Variants in GPHN observed in about 807,000 individuals in gnomAD.
GPHN encodes gephyrin.
A neutral mutation model predicts 95.5 loss-of-function variants in GPHN; 17 were observed. The ratio of observed to expected loss-of-function variants is 0.18; its 90% CI spans 0.12 to 0.27. GPHN has a LOEUF of 0.27. Among genes scored for constraint, GPHN ranks in the 10% least tolerant of loss-of-function variants. The pLI is 1.00. For synonymous variants in GPHN, 320 were observed against 322.5 expected, an observed-to-expected ratio of 0.99 and a Z score of 0.08; for missense variants, 660 against 978.1, an observed-to-expected ratio of 0.67 and a Z score of 4.34.
chr14:67,206,496 A>T, the GPHN span, among the ~76,000 whole-genome samples: 1 of 152,172 alleles, frequency 6.6e-6, no homozygotes, highest in Non-Finnish European at 1.5e-5. Context: ...ACCCTGTCTC[A>T]AAAAACAAAC....
the GPHN span, among the ~76,000 whole-genome samples, chr14:67,604,741 C>CT: frequency 8.6e-5 from 13 of 151,812 alleles, no homozygotes; most frequent in African/African-American, 1.2e-4. Context: ...CTTTGCCTAT[C>CT]TTTTTTTTCC....
In GPHN at chr14:66,664,480, G is replaced by C. The variant is rs1044181555; in HGVS notation, c.65-16627G>C. Among the ~76,000 whole-genome samples the C allele has an allele frequency of 3.9e-5, 6 of 152,260 alleles. No individual in the cohort carries two copies. The South Asian group carries it at 1.2e-3, about 32-fold the overall frequency. ...CCAGATTCTCAGGGACACAGCTAAAGTAGTGTTAAGAAGGAAATCTATAGC... is the reference window on the plus strand; with the variant it reads ...CCAGATTCTCAGGGACACAGCTAAACTAGTGTTAAGAAGGAAATCTATAGC... On this transcript the variant is annotated intron_variant, in intron 1 of 22. Transcript: ENST00000478722.
intron 2 of GPHN, among the ~76,000 whole-genome samples, chr14:66,714,926 GTCTGTAGTTT>G (rs943496639): frequency 4.6e-5 from 7 of 152,120 alleles, no homozygotes; most frequent in African/African-American, 1.7e-4. Context: ...AGGGATATTG[GTCTGTAGTTT>G]TCTTTTATGG....
intron 1 of GPHN, among the ~76,000 whole-genome samples, chr14:66,550,397 C>T (rs1047707618): frequency 6.6e-6 from 1 of 152,112 alleles, no homozygotes; most frequent in African/African-American, 2.4e-5. Context: ...GCTGCAGTCT[C>T]ATGATAAAAC....
At chr14:67,321,013 C>CT in the GPHN span, 4 of 1,551,892 alleles carry the variant, frequency 2.6e-6, no homozygotes, top group Non-Finnish European at 3.6e-6. Context: ...CCTGTCCTCA[C>CT]TCTAAGCCAT....
intron 1 of GPHN, among the ~76,000 whole-genome samples, chr14:66,637,177 T>C (rs933339775): frequency 2.0e-5 from 3 of 152,158 alleles, no homozygotes; most frequent in Admixed American, 6.5e-5. Context: ...TTTTGGTCTT[T>C]AGAATATAGG....
chr14:66,647,242 T>C (rs1045032526), intron 1 of GPHN, among the ~76,000 whole-genome samples: 2 of 150,554 alleles, frequency 1.3e-5, no homozygotes, highest in African/African-American at 4.9e-5. Flanking sequence ...ATAAATTGTA[T>C]AGGTAGAATT....
the GPHN span, among the ~76,000 whole-genome samples, chr14:67,363,327 G>T: frequency 1.5e-4 from 23 of 151,514 alleles, no homozygotes; most frequent in African/African-American, 5.1e-4. Context: ...TAGGGATTTT[G>T]TATTCCCTAC....
chr14:67,685,044 A>T, the GPHN span: 1 of 1,612,330 alleles, frequency 6.2e-7, no homozygotes, highest in South Asian at 1.1e-5. Context: ...GAATCTCAAG[A>T]CCTTCTGTTA....
At chr14:66,814,688 A>G (rs1044289519) in intron 3 of GPHN, among the ~76,000 whole-genome samples, 2 of 152,264 alleles carry the variant, frequency 1.3e-5, no homozygotes, top group African/African-American at 2.4e-5. Flanking sequence ...GATTGAAGAT[A>G]GATAAGCCCA....
intron 1 of GPHN, among the ~76,000 whole-genome samples, chr14:66,591,122 C>T (rs1239356289): frequency 6.6e-6 from 1 of 152,170 alleles, no homozygotes; most frequent in Non-Finnish European, 1.5e-5. Flanking sequence ...ATGCTAAAAA[C>T]TCTCAATAAA....
the GPHN span, chr14:67,587,598 G>C: frequency 0.02 from 5,877 of 290,090 alleles, 212 homozygotes; most frequent in South Asian, 0.087. Flanking sequence ...TTTCTTTCTG[G>C]GGGGGGCGGG....
At chr14:66,854,182 A>C (rs991376902) in intron 4 of GPHN, among the ~76,000 whole-genome samples, 1 of 152,222 alleles carries the variant, frequency 6.6e-6, no homozygotes, top group Non-Finnish European at 1.5e-5. Context: ...ACTGCAAATC[A>C]TTCTTATCTA....
At chr14:67,451,129 G>A in the GPHN span, among the ~76,000 whole-genome samples, 1 of 152,216 alleles carries the variant, frequency 6.6e-6, no homozygotes, top group Non-Finnish European at 1.5e-5. Context: ...TGAGTGCACA[G>A]AAGTCAAGAA....
At chr14:67,408,899 A>G in the GPHN span, among the ~76,000 whole-genome samples, 1 of 152,108 alleles carries the variant, frequency 6.6e-6, no homozygotes, top group South Asian at 2.1e-4. Flanking sequence ...TGGTGGGGAC[A>G]GACAGGTGGT....
In GPHN at chr14:66,801,142, T is replaced by A. The variant is rs75598266; in HGVS notation, c.202-23332T>A. Among the ~76,000 whole-genome samples, 1,161 of 152,306 alleles carry A rather than the reference T, an allele frequency of 7.6e-3. 7 individuals carry two copies. Among genetic ancestry groups the A allele is most frequent in the African/African-American group, 0.027 (1,108 of 41,552 alleles). Reference sequence around the variant, plus strand: ...TCTTGAGTTTATTCAACACAGCTATTTTGTATTCTTTGTCTCAGTGGCCAC... The same window carrying A: ...TCTTGAGTTTATTCAACACAGCTATATTGTATTCTTTGTCTCAGTGGCCAC... On this transcript the variant is annotated intron_variant, in intron 3 of 22. Coordinates refer to ENST00000478722, the MANE Select transcript of GPHN (RefSeq NM_020806.5).
chr14:67,475,816 G>A, the GPHN span, among the ~76,000 whole-genome samples: 3 of 152,096 alleles, frequency 2.0e-5, no homozygotes, highest in African/African-American at 7.2e-5. Context: ...CTCCACCAGC[G>A]ACTGTCTGCA....
chr14:66,571,245 C>CATCA, intron 1 of GPHN, among the ~76,000 whole-genome samples: 1 of 152,174 alleles, frequency 6.6e-6, no homozygotes, highest in Non-Finnish European at 1.5e-5. Flanking sequence ...CTTAGAAAAC[C>CATCA]ATCAGGCCTT....
At chr14:66,549,760 G>A (rs1207486614) in intron 1 of GPHN, among the ~76,000 whole-genome samples, 1 of 152,130 alleles carries the variant, frequency 6.6e-6, no homozygotes, top group Non-Finnish European at 1.5e-5. Context: ...CTCATTAGGG[G>A]TTAATGGAGC....
Sources: allele counts gnomAD v4.1 joint callset (sites outside exome capture counted in the v4.1 genomes callset), GRCh38; gene constraint gnomAD v4.1.1; transcripts MANE v1.5; gene names NCBI Gene and HGNC (gene_info 2026-07-23, HGNC 2026-07-21).